C14orf180: variants seen among roughly 807,000 people sequenced by gnomAD.
C14orf180 encodes the protein chromosome 14 open reading frame 180, also known as nutritionally-regulated adipose and cardiac enriched protein homolog.
A neutral mutation model predicts 13.9 loss-of-function variants in C14orf180; 13 were observed. That is an observed-to-expected ratio of 0.94 (90% CI 0.61 to 1.49). The LOEUF is 1.49. Ranked by LOEUF, C14orf180 falls within the 40% of genes most tolerant of loss-of-function variation. The pLI, the probability that C14orf180 is intolerant of heterozygous loss-of-function variation, is 0.00. For missense variants in C14orf180, 238 were observed against 232.0 expected (o/e 1.03, Z -0.17); for synonymous variants, 113 against 106.3 (o/e 1.06, Z -0.39).
Position 104,590,466 on chromosome 14 carries a change from C to T in C14orf180, c.*1683C>T, listed in dbSNP as rs1596293425. 1.3e-5 allele frequency: 2 copies of T among 152,408 alleles called. No individual in the cohort carries two copies. The highest frequency in any genetic ancestry group is 2.4e-5 in the African/African-American group (1 of 41,598). 9.4% of individuals were successfully genotyped at this position (152,408 alleles called of 1,614,324 possible). On this transcript the variant is annotated 3_prime_UTR_variant, in exon 5 of 5. Coordinates refer to ENST00000557649, the MANE Select transcript of C14orf180 (RefSeq NM_001008404.3). ...GTCCACTGCAAAGGCAACGCAAGGA[C>T]GTGCCTGGCTTTGCGGGGTCCCACG...
intron 1 of C14orf180, chr14:104,581,688 T>C (rs1886440051): frequency 7.3e-6 from 1 of 137,464 alleles, no homozygotes; most frequent in Non-Finnish European, 1.6e-5. Flanking sequence ...TGTGTGTAAG[T>C]GGTGGGGGTG....
chr14:104,586,079 A>G (rs1886607706), intron 1 of C14orf180, among the ~76,000 whole-genome samples: 1 of 152,208 alleles, frequency 6.6e-6, no homozygotes, highest in African/African-American at 2.4e-5. Flanking sequence ...ACAATACTAA[A>G]ATGCAACCCT....
In C14orf180 at chr14:104,579,802, C is replaced by T. The variant is rs1886377807; in HGVS notation, c.-218C>T. ...CCCTGCCAGCGGGCGGTGGCGCCTC[C>T]AGATCAGAGCCCTCGGGAAGGAGGC... is the stretch of plus-strand genomic sequence containing the variant. On this transcript the variant is annotated 5_prime_UTR_variant, in exon 1 of 5. Transcript: ENST00000557649. 1 of 152,292 alleles carries T rather than the reference C, an allele frequency of 6.6e-6. No homozygotes were observed. The highest frequency in any genetic ancestry group is 2.4e-5 in the African/African-American group (1 of 41,456). 9.4% of individuals were successfully genotyped at this position (152,292 alleles called of 1,614,324 possible).
rs1240625576 is a variant in C14orf180, at chr14:104,588,970, C to T, written c.*187C>T. ...GATCGGACATGGGGGGCACAGCAGG[C>T]GGCCCCGCCACACTAGTCAGCACAG... On this transcript the variant is annotated 3_prime_UTR_variant, in exon 5 of 5. Coordinates refer to ENST00000557649, the MANE Select transcript of C14orf180 (RefSeq NM_001008404.3). 18 of 1,269,936 alleles carry T rather than the reference C, an allele frequency of 1.4e-5. No individual in the cohort carries two copies. The highest frequency in any genetic ancestry group is 4.8e-5 in the South Asian group (3 of 62,768). 78.7% of individuals were successfully genotyped at this position (1,269,936 alleles called of 1,614,324 possible). A position where few individuals can be genotyped will look rare whatever the true frequency, so the allele number is the denominator to read the frequency against.
intron 1 of C14orf180, among the ~76,000 whole-genome samples, chr14:104,582,549 T>A (rs1181885198): frequency 1.3e-5 from 2 of 152,088 alleles, no homozygotes; most frequent in Non-Finnish European, 2.9e-5. Flanking sequence ...TGCCCACAAC[T>A]GGGAGCTCCG....
At chr14:104,586,335 A>G in intron 1 of C14orf180, 80 bp from the exon 2 acceptor site, 1 of 1,004,550 alleles carries the variant, frequency 1.0e-6, no homozygotes, top group African/African-American at 1.7e-5. Flanking sequence ...TCCAGGAAAG[A>G]ATTTTCTCCT....
At chr14:104,583,681 T>G (rs1431774212) in intron 1 of C14orf180, among the ~76,000 whole-genome samples, 1 of 152,070 alleles carries the variant, frequency 6.6e-6, no homozygotes, top group East Asian at 1.9e-4. Context: ...AGTCGCGTCC[T>G]CCCCAAGTTA....
chr14:104,585,006 T>C (rs1037670897), intron 1 of C14orf180, among the ~76,000 whole-genome samples: 13 of 152,140 alleles, frequency 8.5e-5, no homozygotes, highest in African/African-American at 2.9e-4. Context: ...GAGGCACCCA[T>C]CCCTTTGGGG....
intron 1 of C14orf180, among the ~76,000 whole-genome samples, chr14:104,586,000 G>A (rs1281052295): frequency 2.0e-5 from 3 of 152,176 alleles, no homozygotes; most frequent in East Asian, 1.9e-4. Context: ...AGGGCTTCCC[G>A]CTACCGAAAG....
At chr14:104,587,079 GAAC>G (rs1886655484) in intron 2 of C14orf180, among the ~76,000 whole-genome samples, 1 of 152,192 alleles carries the variant, frequency 6.6e-6, no homozygotes, top group Non-Finnish European at 1.5e-5. Context: ...CCCCAGCCAG[GAAC>G]AACCTCAGAG....
At chr14:104,581,823 C>G (rs1346097832) in intron 1 of C14orf180, among the ~76,000 whole-genome samples, 1 of 152,140 alleles carries the variant, frequency 6.6e-6, no homozygotes. Context: ...AAACAGGGAG[C>G]CTGGCCCCAG....
chr14:104,588,888 G>T lies in C14orf180; in HGVS notation c.*105G>T. 4 of 1,477,258 alleles carry T rather than the reference G, an allele frequency of 2.7e-6. No individual in the cohort carries two copies. Among genetic ancestry groups the T allele is most frequent in the African/African-American group, 2.8e-5 (2 of 71,338 alleles). The allele number at this position is 1,477,258 out of a possible 1,614,324, so 91.5% of individuals were successfully genotyped here. ...CCCTGCTGCTTGGTGAATCATGGGGGCCAAAAGGGGCTGCTGCCTGAGGGC... is the reference window on the plus strand; with the variant it reads ...CCCTGCTGCTTGGTGAATCATGGGGTCCAAAAGGGGCTGCTGCCTGAGGGC... On this transcript the variant is annotated 3_prime_UTR_variant, in exon 5 of 5. Coordinates refer to ENST00000557649, the MANE Select transcript of C14orf180 (RefSeq NM_001008404.3).
At chr14:104,587,347 G>A (rs562635897) in intron 2 of C14orf180, among the ~76,000 whole-genome samples, 7 of 152,288 alleles carry the variant, frequency 4.6e-5, no homozygotes, top group African/African-American at 1.2e-4. Context: ...GCCCTGGCCC[G>A]GCCCCTGCCC....
In C14orf180 at chr14:104,588,301, C is replaced by T. The variant is rs1886706452; in HGVS notation, c.269C>T (p.Thr90Ile). Residue 90 changes from threonine to isoleucine, a missense_variant, in exon 4 of 5, where the codon ACT becomes ATT. Coordinates refer to ENST00000557649, the MANE Select transcript of C14orf180 (RefSeq NM_001008404.3). ...ATTGCTGACAAGAACGCCACAGCCA[C>T]TGTCAGGGGTGAGTTCTGAGCCCAC... ...HYIADKNATATVRVPGRPRPH... is the reference protein window; with the variant it reads ...HYIADKNATAIVRVPGRPRPH... 6.2e-7 allele frequency: 1 copy of T among 1,614,068 alleles called. No individual in the cohort carries two copies. Among genetic ancestry groups the T allele is most frequent in the Non-Finnish European group, 8.5e-7 (1 of 1,180,010 alleles).
chr14:104,583,041 C>G (rs910102753), intron 1 of C14orf180, among the ~76,000 whole-genome samples: 4 of 152,230 alleles, frequency 2.6e-5, no homozygotes, highest in African/African-American at 9.6e-5. Context: ...GACCTCTCTT[C>G]CAGAAGGGGA....
At chr14:104,586,155 A>C (rs1886609707) in intron 1 of C14orf180, among the ~76,000 whole-genome samples, 1 of 152,248 alleles carries the variant, frequency 6.6e-6, no homozygotes, top group African/African-American at 2.4e-5. Context: ...AATATTATGC[A>C]GCCATTAAAG....
At chr14:104,586,205 T>G (rs1347984752) in intron 1 of C14orf180, among the ~76,000 whole-genome samples, 1 of 152,156 alleles carries the variant, frequency 6.6e-6, no homozygotes, top group Non-Finnish European at 1.5e-5. Flanking sequence ...GGAAATTGCT[T>G]GCGATGGCAT....
intron 1 of C14orf180, among the ~76,000 whole-genome samples, chr14:104,584,329 C>T (rs1052890744): frequency 2.0e-5 from 3 of 152,232 alleles, no homozygotes; most frequent in Non-Finnish European, 4.4e-5. Context: ...CACAAGCCTC[C>T]TTCCGCCGGG....
chr14:104,586,153 G>A (rs369808841), intron 1 of C14orf180, among the ~76,000 whole-genome samples: 12 of 152,316 alleles, frequency 7.9e-5, no homozygotes, highest in African/African-American at 2.9e-4. Context: ...GGAATATTAT[G>A]CAGCCATTAA....
Sources: gnomAD v4.1 joint callset for allele counts (sites outside exome capture counted in the v4.1 genomes callset) on GRCh38, gnomAD v4.1.1 for gene constraint, MANE v1.5 for transcripts, NCBI Gene and HGNC (gene_info 2026-07-23, HGNC 2026-07-21) for gene names.